PLCD3: variants seen among roughly 807,000 people sequenced by gnomAD.
PLCD3 encodes 1-phosphatidylinositol 4,5-bisphosphate phosphodiesterase delta-3.
A neutral mutation model predicts 82.8 loss-of-function variants in PLCD3; 62 were observed. The ratio of observed to expected loss-of-function variants is 0.75; its 90% CI spans 0.61 to 0.93. The LOEUF (loss-of-function observed/expected upper bound fraction) is 0.93, where lower values mean the gene tolerates loss of function less well. Among genes scored for constraint, PLCD3 ranks in the 40% least tolerant of loss-of-function variants. PLCD3 has a pLI of 0.00. For missense variants in PLCD3, 1,023 were observed against 1,103.4 expected, an observed-to-expected ratio of 0.93 and a Z score of 1.03; for synonymous variants, 478 against 471.8, an observed-to-expected ratio of 1.01 and a Z score of -0.17.
rs750965664 is a variant in PLCD3 at position 45,114,367 on chromosome 17, C to T, written c.1712-1G>A. 10 of 1,548,264 alleles carry T rather than the reference C, an allele frequency of 6.5e-6. No homozygotes were observed. In the South Asian group the frequency reaches 1.2e-4, roughly 18 times the overall value. ...GCATTGTGCCTGACAAAGCTGTTCC[C>T]TGGGGCAGAGTTGGGGTGAGACCGT... On this transcript the variant is annotated splice_acceptor_variant, in intron 10 of 14. Coordinates refer to ENST00000619929, the MANE Select transcript of PLCD3 (RefSeq NM_133373.5). LOFTEE classifies it high-confidence loss of function.
intron 1 of PLCD3, 146 bp from the exon 2 acceptor site, chr17:45,121,518 A>G (rs2054341013): frequency 9.8e-7 from 1 of 1,021,364 alleles, no homozygotes; most frequent in Non-Finnish European, 1.4e-6. Context: ...CCCTCACAGG[A>G]CTCCCCTCCT....
At chr17:45,112,810 G>A in intron 14 of PLCD3, 53 bp downstream of exon 14, 2 of 1,604,798 alleles carry the variant, frequency 1.2e-6, no homozygotes, top group Non-Finnish European at 8.5e-7. Context: ...GGTGAACAGG[G>A]TCTGCAGGAC....
intron 1 of PLCD3, among the ~76,000 whole-genome samples, chr17:45,124,822 G>A (rs1456257606): frequency 2.6e-5 from 4 of 152,212 alleles, no homozygotes; most frequent in African/African-American, 4.8e-5. Flanking sequence ...TGTAGCTGCC[G>A]GGCCAGTGAC....
At chr17:45,121,403 G>A (rs1304389040) in intron 1 of PLCD3, 31 bp from the exon 2 acceptor site, 9 of 1,472,278 alleles carry the variant, frequency 6.1e-6, no homozygotes, top group Non-Finnish European at 8.1e-6. Context: ...GGGGCGTCAG[G>A]CCGTACCTGC....
intron 1 of PLCD3, among the ~76,000 whole-genome samples, chr17:45,122,529 G>A (rs1290211757): frequency 6.6e-6 from 1 of 152,116 alleles, no homozygotes; most frequent in Non-Finnish European, 1.5e-5. Context: ...GGCTCTTCTA[G>A]TGCTTCTAAA....
At chr17:45,127,659 C>A (rs1238740585) in intron 1 of PLCD3, among the ~76,000 whole-genome samples, 1 of 152,036 alleles carries the variant, frequency 6.6e-6, no homozygotes, top group African/African-American at 2.4e-5. Context: ...GGGCAGCTGG[C>A]AGGGAGGGTG....
Position 45,112,633 on chromosome 17 carries a change from G to A in PLCD3, c.2353C>T (p.Arg785Cys), listed in dbSNP as rs546485347. The change falls in exon 15 of 15, where the codon CGC becomes TGC. Residue 785 changes from arginine (R) to cysteine (C), a missense_variant. Arg to Cys is a radical substitution (Grantham distance 180, BLOSUM62 -3). This residue lies in a region of PLCD3 where 553 missense variants were observed against 655.7 expected (regional missense o/e 0.84). Coordinates refer to ENST00000619929, the MANE Select transcript of PLCD3 (RefSeq NM_133373.5). ...LSPATLFIQIRIQRS is the reference protein window; with the variant it reads ...LSPATLFIQICIQRS ...GTGGGCCCTCAGGAGCGCTGGATGCGGATTTGGATGAAGAGCGTGGCTGGT... is the reference window on the plus strand; with the variant it reads ...GTGGGCCCTCAGGAGCGCTGGATGCAGATTTGGATGAAGAGCGTGGCTGGT... The A allele has an allele frequency of 5.7e-5, 91 of 1,604,182 alleles. No homozygotes were observed. Among genetic ancestry groups the A allele is most frequent in the Non-Finnish European group, 6.1e-5 (72 of 1,175,766 alleles).
At chr17:45,117,090 G>A (rs1262436336) in intron 7 of PLCD3, among the ~76,000 whole-genome samples, 2 of 151,934 alleles carry the variant, frequency 1.3e-5, no homozygotes, top group Non-Finnish European at 2.9e-5. Context: ...GATTACAGGC[G>A]CCCGCCACCA....
At chr17:45,121,800 G>C (rs532028647) in intron 1 of PLCD3, among the ~76,000 whole-genome samples, 1 of 152,068 alleles carries the variant, frequency 6.6e-6, no homozygotes, top group Admixed American at 6.6e-5. Context: ...GACCAGCCTG[G>C]CCAACATGGT....
At position 45,124,113 on chromosome 17, in the gene PLCD3, C is replaced by T. The variant is rs143771784; in HGVS notation, c.164-2741G>A. Among the ~76,000 whole-genome samples the T allele has an allele frequency of 1.4e-4, 22 of 152,342 alleles. 1 individual carries two copies. The East Asian group carries it at 4.2e-3, about 29-fold the overall frequency. On this transcript the variant is annotated intron_variant, in intron 1 of 14. Coordinates refer to ENST00000619929, the MANE Select transcript of PLCD3 (RefSeq NM_133373.5). ...GGGGGACTGCTCATTGCCATGACAACCAGGCTCTGCAGCTGGGGCTGCCTC... is the reference window on the plus strand; with the variant it reads ...GGGGGACTGCTCATTGCCATGACAATCAGGCTCTGCAGCTGGGGCTGCCTC...
At chr17:45,120,707 C>T (rs1234820652) in intron 3 of PLCD3, among the ~76,000 whole-genome samples, 195 bp downstream of exon 3, 2 of 152,210 alleles carry the variant, frequency 1.3e-5, no homozygotes, top group East Asian at 1.9e-4. Context: ...CGCCACCCCT[C>T]CTGGTGGGAG....
rs1412142416 is a variant in PLCD3 at position 45,116,917 on chromosome 17, G to C, written c.1261-133C>G. Reference sequence around the variant, plus strand: ...GGAGAACCCAGGGAAGCAGCAGACTGTCCAGGAGGCTGAGGGCGGCTGCAG... The same window carrying C: ...GGAGAACCCAGGGAAGCAGCAGACTCTCCAGGAGGCTGAGGGCGGCTGCAG... On this transcript the variant is annotated intron_variant, in intron 7 of 14. Coordinates refer to ENST00000619929, the MANE Select transcript of PLCD3 (RefSeq NM_133373.5). 2.6e-6 allele frequency: 3 copies of C among 1,169,632 alleles called. No individual in the cohort carries two copies. The East Asian group carries it at 8.8e-5, about 34-fold the overall frequency. 72.5% of individuals were successfully genotyped at this position (1,169,632 alleles called of 1,614,324 possible). A position where few individuals can be genotyped will look rare whatever the true frequency, so the allele number is the denominator to read the frequency against.
chr17:45,115,059 T>C, intron 10 of PLCD3, 35 bp downstream of exon 10: 3 of 1,569,074 alleles, frequency 1.9e-6, no homozygotes, highest in South Asian at 1.2e-5. Flanking sequence ...TCTCTCACCC[T>C]CTCGCCCCCA....
At chr17:45,129,831 C>G (rs1047323708) in intron 1 of PLCD3, among the ~76,000 whole-genome samples, 1 of 152,226 alleles carries the variant, frequency 6.6e-6, no homozygotes, top group African/African-American at 2.4e-5. Context: ...TTCCTCCTTC[C>G]CCGCTCATCT....
rs1260053180 is a variant in PLCD3, at chr17:45,111,213, T to G, written c.*1403A>C. The stretch of plus-strand genomic sequence containing the variant: ...CCAAGCAGCGTTTCCAGCCTTTGTG[T>G]AAAAGGCTGGCTGGCTGGAGGAAGG... On this transcript the variant is annotated 3_prime_UTR_variant, in exon 15 of 15. Transcript: ENST00000619929. 6.6e-6 allele frequency: 1 copy of G among 152,156 alleles called. No individual in the cohort carries two copies. The highest frequency in any genetic ancestry group is 2.4e-5 in the African/African-American group (1 of 41,428). 9.4% of individuals were successfully genotyped at this position (152,156 alleles called of 1,614,324 possible).
At chr17:45,127,937 A>G (rs1385545482) in intron 1 of PLCD3, among the ~76,000 whole-genome samples, 1 of 152,142 alleles carries the variant, frequency 6.6e-6, no homozygotes, top group Non-Finnish European at 1.5e-5. Context: ...CGAGTCATGC[A>G]GGGAACTGCT....
intron 4 of PLCD3, 111 bp downstream of exon 4, chr17:45,120,214 A>G: frequency 6.9e-7 from 1 of 1,459,296 alleles, no homozygotes; most frequent in South Asian, 1.3e-5. Context: ...GCTCGCTCCA[A>G]AAAAGCTGCA....
At chr17:45,126,386 TTC>T (rs1312465966) in intron 1 of PLCD3, among the ~76,000 whole-genome samples, 1 of 99,462 alleles carries the variant, frequency 1.0e-5, no homozygotes, top group Non-Finnish European at 2.0e-5. Flanking sequence ...CAGCATCTCG[TTC>T]TGTTGCCCAG....
Position 45,110,886 on chromosome 17 carries a change from G to C in PLCD3, c.*1730C>G, listed in dbSNP as rs1338339874. ...CCACTCCCAGCATGAAGGAGCGGGGGACACTGCCACTTTCTGCATTAGTTC... is the reference window on the plus strand; with the variant it reads ...CCACTCCCAGCATGAAGGAGCGGGGCACACTGCCACTTTCTGCATTAGTTC... On this transcript the variant is annotated 3_prime_UTR_variant, in exon 15 of 15. Coordinates refer to ENST00000619929, the MANE Select transcript of PLCD3 (RefSeq NM_133373.5). The C allele has an allele frequency of 6.6e-6, 1 of 152,264 alleles. No homozygotes were observed. The highest frequency in any genetic ancestry group is 1.5e-5 in the Non-Finnish European group (1 of 68,070). 9.4% of individuals were successfully genotyped at this position (152,264 alleles called of 1,614,324 possible).
Sources: allele counts gnomAD v4.1 joint callset (sites outside exome capture counted in the v4.1 genomes callset), GRCh38; gene constraint gnomAD v4.1.1; regional missense constraint gnomAD v4.1.1; transcripts MANE v1.5; gene names NCBI Gene and HGNC (gene_info 2026-07-23, HGNC 2026-07-21).